Variants in UBR4 observed in about 807,000 individuals in gnomAD.
The protein encoded by UBR4 is E3 ubiquitin-protein ligase UBR4.
Under a neutral mutation model 575.6 loss-of-function variants are expected in UBR4, and 124 were observed. That is an observed-to-expected ratio of 0.22 (90% CI 0.19 to 0.25). The LOEUF is 0.25. Ranked by LOEUF, UBR4 falls within the 10% of genes least tolerant of loss-of-function variation. UBR4 has a pLI of 1.00. For missense variants in UBR4, 4,818 were observed against 6,478.8 expected (o/e 0.74, Z 8.80); for synonymous variants, 2,455 against 2,473.7 (o/e 0.99, Z 0.22).
At chr1:19,105,238 G>C (rs74056752) in intron 84 of UBR4, 49 bp from the exon 85 acceptor site, 6 of 1,582,108 alleles carry the variant, frequency 3.8e-6, no homozygotes, top group Admixed American at 3.7e-5. Context: ...CTAGCATTTC[G>C]AACAGCTCCA....
At chr1:19,147,134 C>T in intron 51 of UBR4, 134 bp from the exon 52 acceptor site, 2 of 849,048 alleles carry the variant, frequency 2.4e-6, no homozygotes, top group Non-Finnish European at 3.4e-6. Context: ...ACACCAATCA[C>T]CTACAACAGA....
At chr1:19,076,257 G>A (rs2075927666) in intron 105 of UBR4, among the ~76,000 whole-genome samples, 1 of 152,246 alleles carries the variant, frequency 6.6e-6, no homozygotes. Context: ...GCCCTGCTGG[G>A]TCGCCCATGC....
intron 57 of UBR4, 120 bp from the exon 58 acceptor site, chr1:19,141,012 G>C: frequency 9.3e-7 from 1 of 1,077,442 alleles, no homozygotes; most frequent in South Asian, 1.5e-5. Flanking sequence ...CTCTGGCCTA[G>C]AGGAAGTTAG....
Position 19,177,678 on chromosome 1 carries a change from T to A in UBR4, c.2420A>T (p.Asn807Ile), listed in dbSNP as rs751830627. ...GVVPSETEDL[N>I]VEHLQMLLLI... The stretch of plus-strand genomic sequence containing the variant: ...GAGGAGCATCTGCAGGTGTTCTACA[T>A]TCAGATCCTCTGTCTCACTGGGCAC... The change falls in exon 19 of 106, where the codon AAT becomes ATT. Residue 807 changes from asparagine (N) to isoleucine (I), a missense_variant. Coordinates refer to ENST00000375254, the MANE Select transcript of UBR4 (RefSeq NM_020765.3). 6.2e-6 allele frequency: 10 copies of A among 1,614,048 alleles called. 1 individual carries two copies. The South Asian group carries it at 1.1e-4, about 18-fold the overall frequency.
Position 19,117,528 on chromosome 1 carries a change from T to C in UBR4, c.10630-114A>G. The C allele has an allele frequency of 1.6e-6, 2 of 1,248,092 alleles. No individual in the cohort carries two copies. The highest frequency in any genetic ancestry group is 2.2e-6 in the Non-Finnish European group (2 of 911,338). The allele number at this position is 1,248,092 out of a possible 1,614,324, so 77.3% of individuals were successfully genotyped here. On this transcript the variant is annotated intron_variant, in intron 72 of 105. Coordinates refer to ENST00000375254, the MANE Select transcript of UBR4 (RefSeq NM_020765.3). This position sits in a 1 kb window ranked among gnomAD's most constrained non-coding sequence, Gnocchi z 4.0. Reference sequence around the variant, plus strand: ...ACAAGATGAAGTTTCTATTTAATTTTTTAAAAAATATTTTGTAGAGATGGG... The same window carrying C: ...ACAAGATGAAGTTTCTATTTAATTTCTTAAAAAATATTTTGTAGAGATGGG...
rs754676355 is a variant in UBR4, at chr1:19,164,423, C to T, written c.4530G>A (p.Val1510=). The T allele has an allele frequency of 6.2e-6, 10 of 1,613,792 alleles. No homozygotes were observed. Among genetic ancestry groups the T allele is most frequent in the African/African-American group, 4.0e-5 (3 of 74,940 alleles). Residue 1510 remains valine, a synonymous_variant, in exon 33 of 106, where the codon GTG becomes GTA. Coordinates refer to ENST00000375254, the MANE Select transcript of UBR4 (RefSeq NM_020765.3). ...VRENSQVGEG[V]CAVLLGTLTP... ...TCAGGGTGCCCAGAAGAACAGCACACACACCTTCCCCAACTTGGCTAGGAG... is the reference window on the plus strand; with the variant it reads ...TCAGGGTGCCCAGAAGAACAGCACATACACCTTCCCCAACTTGGCTAGGAG...
In UBR4 at chr1:19,187,465, G is replaced by A. The variant is rs1333418254; in HGVS notation, c.1470C>T (p.Asp490=). The A allele has an allele frequency of 1.2e-6, 2 of 1,614,016 alleles. No homozygotes were observed. The highest frequency in any genetic ancestry group is 1.7e-6 in the Non-Finnish European group (2 of 1,180,012). Residue 490 remains aspartate (D), a synonymous_variant, in exon 12 of 106, where the codon GAC becomes GAT. Transcript: ENST00000375254. ...CCTTGTGAAGGGCCTCCACTTGTAG[G>A]TCTTGAAAGAGAGACGTTAGCAGTT... The part of the protein sequence containing the change: ...AIKLLTSLFQ[D]LQVEALHKGW...
At chr1:19,128,919 G>C in intron 61 of UBR4, 59 bp downstream of exon 61, 1 of 1,471,554 alleles carries the variant, frequency 6.8e-7, no homozygotes, top group Non-Finnish European at 9.5e-7. Context: ...AGAGATGTGG[G>C]CATGCTTAAG....
intron 78 of UBR4, 22 bp downstream of exon 78, chr1:19,112,502 T>C: frequency 6.3e-7 from 1 of 1,585,876 alleles, no homozygotes. Context: ...ACTAGGCCCA[T>C]AACCATGGTG....
chr1:19,109,297 T>G (rs924071013), intron 81 of UBR4, among the ~76,000 whole-genome samples: 6 of 152,398 alleles, frequency 3.9e-5, no homozygotes, highest in East Asian at 3.8e-4. Context: ...CAAGTCAATC[T>G]GTGGCTCAGC....
In UBR4 at chr1:19,192,361, T is replaced by A; in HGVS notation, c.1221A>T (p.Gln407His). Residue 407 changes from glutamine (Q) to histidine (H), a missense_variant, in exon 11 of 106, where the codon CAA becomes CAT. By Grantham distance (24) the Gln-to-His change is conservative. Around this residue, in one of 29 missense-constraint regions of UBR4, gnomAD observed 131 missense variants for 214.5 expected, o/e 0.61. Transcript: ENST00000375254. ...TTAACAAGCACCAAGCACCCAGCAA[T>A]TGGAAATTCTGATAGTGCTGTTGTG... ...RAGGEHYQNF[Q>H]LLGAWCLLNS... The A allele has an allele frequency of 6.2e-7, 1 of 1,614,052 alleles. No homozygotes were observed. The highest frequency in any genetic ancestry group is 8.5e-7 in the Non-Finnish European group (1 of 1,179,994).
intron 51 of UBR4, 82 bp downstream of exon 51, chr1:19,147,911 G>C: frequency 6.4e-7 from 1 of 1,553,594 alleles, no homozygotes; most frequent in South Asian, 1.2e-5. Flanking sequence ...TTACTTTGCT[G>C]TGCTGTTGCT....
At chr1:19,189,026 G>A (rs1021953184) in intron 11 of UBR4, among the ~76,000 whole-genome samples, 2 of 151,850 alleles carry the variant, frequency 1.3e-5, no homozygotes, top group African/African-American at 4.8e-5. Context: ...AGAAAACCAA[G>A]GCAAAGGACA....
intron 37 of UBR4, among the ~76,000 whole-genome samples, chr1:19,161,351 C>T (rs1232126285): frequency 6.6e-6 from 1 of 152,160 alleles, no homozygotes; most frequent in African/African-American, 2.4e-5. Context: ...CTTATTATAA[C>T]GTGTGAAATT....
intron 2 of UBR4, among the ~76,000 whole-genome samples, chr1:19,200,466 T>C (rs2092693212): frequency 6.6e-6 from 1 of 152,038 alleles, no homozygotes; most frequent in East Asian, 1.9e-4. Context: ...CTCACACCTA[T>C]AATCCCAGCA....
chr1:19,181,363 TA>T (rs547873723), intron 17 of UBR4, among the ~76,000 whole-genome samples: 1 of 150,174 alleles, frequency 6.7e-6, no homozygotes, highest in South Asian at 2.1e-4. Flanking sequence ...TCCCCACCTC[TA>T]AAAAAAAACA....
intron 1 of UBR4, among the ~76,000 whole-genome samples, chr1:19,206,085 T>C (rs1029318734): frequency 1.3e-5 from 2 of 152,250 alleles, no homozygotes; most frequent in African/African-American, 4.8e-5. Context: ...TCCATTGAGC[T>C]AGTTCTGCTC....
Position 19,190,312 on chromosome 1 carries a change from A to AAAAAAAAAAAAAATATATAT in UBR4, c.1394+1875_1394+1876insATATATATTTTTTTTTTTTT. 2.3e-4 allele frequency among the ~76,000 whole-genome samples: 18 copies of AAAAAAAAAAAAAATATATAT among 79,892 alleles called. 1 individual carries two copies. The highest frequency in any genetic ancestry group is 1.7e-3 in the East Asian group (3 of 1,728). The allele number at this position is 79,892 out of a possible 152,430, so 52.4% of individuals were successfully genotyped here. A position where few individuals can be genotyped will look rare whatever the true frequency, so the allele number is the denominator to read the frequency against. ...TGCCTCAAAAAAAAAAAAAAAAAAAAATATATATATATATATATTTGTATG... is the reference window on the plus strand; with the variant it reads ...TGCCTCAAAAAAAAAAAAAAAAAAAAAAAAAAAAAAAAATATATATATATATATATATATATATTTGTATG... On this transcript the variant is annotated intron_variant, in intron 11 of 105. Coordinates refer to ENST00000375254, the MANE Select transcript of UBR4 (RefSeq NM_020765.3).
Position 19,210,165 on chromosome 1 carries a change from G to A in UBR4, c.84C>T (p.Gly28=). ...TPATGADTTP[G]WEVAVRPLLS... ...GCAGGGGCCGCACAGCCACCTCCCAGCCCGGGGTCGTGTCCGCCCCCGTTG... is the reference window on the plus strand; with the variant it reads ...GCAGGGGCCGCACAGCCACCTCCCAACCCGGGGTCGTGTCCGCCCCCGTTG... Residue 28 remains glycine (G), a synonymous_variant, in exon 1 of 106, where the codon GGC becomes GGT. Transcript: ENST00000375254. 6.4e-7 allele frequency: 1 copy of A among 1,550,474 alleles called. No homozygotes were observed. Among genetic ancestry groups the A allele is most frequent in the Non-Finnish European group, 8.7e-7 (1 of 1,152,350 alleles).
Sources: allele counts gnomAD v4.1 joint callset (sites outside exome capture counted in the v4.1 genomes callset), GRCh38; gene constraint gnomAD v4.1.1; regional missense constraint gnomAD v4.1.1; non-coding constraint Gnocchi (gnomAD v3.1); transcripts MANE v1.5; gene names NCBI Gene and HGNC (gene_info 2026-07-23, HGNC 2026-07-21).